The following POU2F1 variants were observed in gnomAD, a reference collection of about 807,000 sequenced individuals.
The protein encoded by POU2F1 is POU domain, class 2, transcription factor 1.
POU2F1 carries 16 observed loss-of-function variants against 84.9 expected under a neutral mutation model. The ratio of observed to expected loss-of-function variants is 0.19; its 90% CI spans 0.13 to 0.29. The LOEUF is 0.29. POU2F1 is among the 10% of genes least tolerant of loss of function. The probability of loss-of-function intolerance (pLI) is 1.00; values close to 1 mark genes in which losing one functional copy is unlikely to be tolerated. For missense variants in POU2F1, 738 were observed against 942.6 expected, an observed-to-expected ratio of 0.78 and a Z score of 2.84; for synonymous variants, 368 against 368.3, an observed-to-expected ratio of 1.00 and a Z score of 0.01.
At chr1:167,391,777 C>T (rs915273800) in intron 9 of POU2F1, among the ~76,000 whole-genome samples, 2 of 151,018 alleles carry the variant, frequency 1.3e-5, no homozygotes, top group Non-Finnish European at 3.0e-5. Context: ...AAGCTGGTCT[C>T]GAACTCCTGG....
chr1:167,317,753 G>A (rs1474929924), intron 1 of POU2F1, among the ~76,000 whole-genome samples: 1 of 152,180 alleles, frequency 6.6e-6, no homozygotes, highest in East Asian at 1.9e-4. Flanking sequence ...TGGCATCATA[G>A]CCATCACAAG....
intron 1 of POU2F1, among the ~76,000 whole-genome samples, chr1:167,242,328 G>T (rs1205922081): frequency 6.6e-6 from 1 of 152,206 alleles, no homozygotes; most frequent in East Asian, 1.9e-4. Context: ...TGATAGAAGA[G>T]AACCAAGAAG....
Position 167,245,010 on chromosome 1 carries a change from T to C in POU2F1, c.61+24052T>C, listed in dbSNP as rs193169289. ...AACACAACTATGACAGGAACAGTAG[T>C]GAATGTTAGAAAAAATAAAAGGTCT... On this transcript the variant is annotated intron_variant, in intron 1 of 15. Transcript: ENST00000367866. Among the ~76,000 whole-genome samples the C allele has an allele frequency of 1.9e-3, 292 of 152,076 alleles. 7 individuals carry two copies. The highest frequency in any genetic ancestry group is 2.4e-4 in the Non-Finnish European group (16 of 67,988).
chr1:167,353,360 T>G (rs1658708762), intron 2 of POU2F1, among the ~76,000 whole-genome samples: 1 of 152,070 alleles, frequency 6.6e-6, no homozygotes, highest in Admixed American at 6.5e-5. Flanking sequence ...TTTTTTTTTT[T>G]TTTGCATCTG....
At chr1:167,304,519 T>C (rs1654927997) in intron 1 of POU2F1, among the ~76,000 whole-genome samples, 1 of 152,312 alleles carries the variant, frequency 6.6e-6, no homozygotes, top group Non-Finnish European at 1.5e-5. Context: ...ACCCATCTCA[T>C]GTTAACTAAC....
intron 2 of POU2F1, among the ~76,000 whole-genome samples, chr1:167,361,102 G>A (rs918646850): frequency 6.6e-6 from 1 of 151,972 alleles, no homozygotes. Flanking sequence ...GGTTTATCAG[G>A]TCTAGGAGTC....
chr1:167,264,734 A>T (rs1557855763), intron 1 of POU2F1, among the ~76,000 whole-genome samples: 1 of 152,028 alleles, frequency 6.6e-6, no homozygotes, highest in African/African-American at 2.4e-5. Flanking sequence ...TTCTTAAGAA[A>T]TTTTTTTAAA....
intron 2 of POU2F1, among the ~76,000 whole-genome samples, chr1:167,353,620 G>A (rs954911934): frequency 2.6e-5 from 4 of 152,056 alleles, no homozygotes; most frequent in Non-Finnish European, 5.9e-5. Context: ...TGAAAGAAAC[G>A]ATCATCACTC....
chr1:167,302,679 C>A (rs571514569), intron 1 of POU2F1, among the ~76,000 whole-genome samples: 1 of 152,218 alleles, frequency 6.6e-6, no homozygotes, highest in Admixed American at 6.5e-5. Flanking sequence ...GTTATGTGGG[C>A]CAGTTATATG....
At chr1:167,308,309 C>T (rs747147138) in intron 1 of POU2F1, among the ~76,000 whole-genome samples, 63 of 152,034 alleles carry the variant, frequency 4.1e-4, no homozygotes, top group Non-Finnish European at 6.5e-4. Context: ...GCAGGTGATC[C>T]GCCTGCCTCG....
chr1:167,364,604 T>A (rs1659560797), intron 2 of POU2F1, among the ~76,000 whole-genome samples: 1 of 145,536 alleles, frequency 6.9e-6, no homozygotes. Flanking sequence ...TTGAGACAAG[T>A]TTTAGCTCTA....
Position 167,364,528 on chromosome 1 carries a change from C to CA in POU2F1, c.128-922dup, listed in dbSNP as rs1157561323. Among the ~76,000 whole-genome samples, 323 of 51,604 alleles carry CA rather than the reference C, an allele frequency of 6.3e-3. 3 individuals are homozygous for CA. The highest frequency in any genetic ancestry group is 9.7e-3 in the Non-Finnish European group (250 of 25,788). The allele number at this position is 51,604 out of a possible 152,430, so 33.9% of individuals were successfully genotyped here. A position where few individuals can be genotyped will look rare whatever the true frequency, so the allele number is the denominator to read the frequency against. On this transcript the variant is annotated intron_variant, in intron 2 of 15. Transcript: ENST00000367866. ...CTGGGCGACAGAGCGAGCTCCGTCT[C>CA]AAAAAAAAAAAAAAAAAGCTCTTGC...
intron 1 of POU2F1, among the ~76,000 whole-genome samples, chr1:167,272,521 C>T (rs1207050792): frequency 2.0e-5 from 3 of 151,878 alleles, no homozygotes; most frequent in Non-Finnish European, 2.9e-5. Context: ...GCTGTACAAG[C>T]GTGGTGGGGG....
At chr1:167,275,672 T>C (rs1652680190) in intron 1 of POU2F1, among the ~76,000 whole-genome samples, 1 of 152,096 alleles carries the variant, frequency 6.6e-6, no homozygotes, top group Non-Finnish European at 1.5e-5. Context: ...ATCCCAAAAT[T>C]CTATGCTTAC....
chr1:167,342,542 C>T (rs1657926699), intron 2 of POU2F1, among the ~76,000 whole-genome samples: 1 of 152,110 alleles, frequency 6.6e-6, no homozygotes, highest in African/African-American at 2.4e-5. Context: ...GACCAGGGTA[C>T]CAGTGAATAG....
Position 167,413,083 on chromosome 1 carries a change from A to G in POU2F1, c.1959A>G (p.Leu653=), listed in dbSNP as rs754961256. Residue 653 remains leucine (L), a synonymous_variant, in exon 15 of 16, where the codon CTA becomes CTG. Coordinates refer to ENST00000367866, the MANE Select transcript of POU2F1 (RefSeq NM_002697.4). The part of the protein sequence containing the change: ...GTLSGALSPA[L]MSNSTLATIQ... ...TGAGCGGTGCTCTCAGCCCAGCTCT[A>G]ATGAGCAACAGTACACTGGCAACTA... is the stretch of plus-strand genomic sequence containing the variant. 1.9e-5 allele frequency: 30 copies of G among 1,614,010 alleles called. No homozygotes were observed. In the South Asian group the frequency reaches 3.1e-4, roughly 17 times the overall value.
chr1:167,398,497 A>T (rs540815452), intron 11 of POU2F1, among the ~76,000 whole-genome samples: 13 of 152,282 alleles, frequency 8.5e-5, no homozygotes, highest in African/African-American at 3.1e-4. Context: ...GAGGGAAACC[A>T]TAGGGTGTAT....
chr1:167,346,147 C>G (rs1323081112), intron 2 of POU2F1, among the ~76,000 whole-genome samples: 8 of 151,952 alleles, frequency 5.3e-5, no homozygotes, highest in African/African-American at 1.9e-4. Context: ...TGCACTCCAG[C>G]CTGGGTGACA....
Position 167,399,365 on chromosome 1 carries a change from G to A in POU2F1, c.1449G>A (p.Leu483=). 6.2e-7 allele frequency: 1 copy of A among 1,606,732 alleles called. No individual in the cohort carries two copies. The highest frequency in any genetic ancestry group is 2.2e-5 in the East Asian group (1 of 44,774). ...IKAIFPSPTS[L]VATTPSLVTS... ...CAATTTTCCCCAGCCCAACTTCACT[G>A]GTAAGAATAAAAAATAGGGAGTGCA... The change falls in exon 12 of 16, where the codon CTG becomes CTA. Residue 483 remains leucine, a splice_region_variant and synonymous_variant. Transcript: ENST00000367866.
Sources: gnomAD v4.1 joint callset for allele counts (sites outside exome capture counted in the v4.1 genomes callset) on GRCh38, gnomAD v4.1.1 for gene constraint, MANE v1.5 for transcripts, NCBI Gene and HGNC (gene_info 2026-07-23, HGNC 2026-07-21) for gene names.